The following MAGI2 variants were observed in gnomAD, a reference collection of about 807,000 sequenced individuals.
The protein encoded by MAGI2 is membrane-associated guanylate kinase, WW and PDZ domain-containing protein 2.
Under a neutral mutation model 133.3 loss-of-function variants are expected in MAGI2, and 35 were observed. The observed-to-expected ratio is 0.26, with a 90% confidence interval of 0.20 to 0.35. The LOEUF is 0.35. Among genes scored for constraint, MAGI2 ranks in the 10% least tolerant of loss-of-function variants. MAGI2 has a pLI of 1.00. For missense variants in MAGI2, 1,636 were observed against 1,863.4 expected, an observed-to-expected ratio of 0.88 and a Z score of 2.25; for synonymous variants, 729 against 710.6, an observed-to-expected ratio of 1.03 and a Z score of -0.41.
chr7:78,842,029 ATGT>A (rs983786836), intron 2 of MAGI2, among the ~76,000 whole-genome samples: 2 of 152,006 alleles, frequency 1.3e-5, no homozygotes, highest in Admixed American at 6.6e-5. Context: ...GTGCTTAAAA[ATGT>A]TGTTTGACTC....
chr7:78,632,046 T>C (rs528629007), intron 2 of MAGI2, among the ~76,000 whole-genome samples: 4 of 152,342 alleles, frequency 2.6e-5, no homozygotes, highest in Non-Finnish European at 5.9e-5. Context: ...ACAAGGATTA[T>C]TGTATGTTAA....
intron 10 of MAGI2, among the ~76,000 whole-genome samples, chr7:78,234,753 G>T (rs988090830): frequency 4.6e-5 from 7 of 152,044 alleles, no homozygotes; most frequent in Admixed American, 1.3e-4. Flanking sequence ...GCCAACTCAT[G>T]CAGGCACTGT....
intron 2 of MAGI2, among the ~76,000 whole-genome samples, chr7:78,984,548 T>A (rs941117963): frequency 6.6e-6 from 1 of 151,920 alleles, no homozygotes; most frequent in Non-Finnish European, 1.5e-5. Context: ...GCTGGAGGGG[T>A]TCTGTCCACT....
Position 79,296,694 on chromosome 7 carries a change from G to A in MAGI2, c.301+156326C>T, listed in dbSNP as rs186186314. Among the ~76,000 whole-genome samples the A allele has an allele frequency of 1.5e-3, 223 of 152,310 alleles. 1 individual carries two copies. The highest frequency in any genetic ancestry group is 5.6e-3 in the Admixed American group (85 of 15,302). On this transcript the variant is annotated intron_variant, in intron 1 of 21. Transcript: ENST00000354212. ...AATCCTGAAAAGTTGATTCATAGTA[G>A]AGAGTAGAATGGTGGTTGTCAGAGG... is the stretch of plus-strand genomic sequence containing the variant.
intron 2 of MAGI2, among the ~76,000 whole-genome samples, chr7:78,679,515 C>T (rs1479489223): frequency 6.8e-6 from 1 of 146,472 alleles, no homozygotes; most frequent in Non-Finnish European, 1.5e-5. Context: ...ACATTAATAT[C>T]CTAAATGAGC....
intron 6 of MAGI2, among the ~76,000 whole-genome samples, chr7:78,375,089 T>G (rs1350263772): frequency 6.6e-6 from 1 of 152,068 alleles, no homozygotes; most frequent in African/African-American, 2.4e-5. Flanking sequence ...GTTATCCACC[T>G]GCCTTGGCCT....
intron 1 of MAGI2, among the ~76,000 whole-genome samples, chr7:79,296,614 T>G (rs1342336107): frequency 1.3e-5 from 2 of 152,106 alleles, no homozygotes; most frequent in Non-Finnish European, 2.9e-5. Context: ...GAGCTCATAA[T>G]GGGAAATTGC....
At chr7:78,641,977 A>C (rs1264665267) in intron 2 of MAGI2, among the ~76,000 whole-genome samples, 3 of 152,200 alleles carry the variant, frequency 2.0e-5, no homozygotes, top group Non-Finnish European at 4.4e-5. Flanking sequence ...GGTAAATAAC[A>C]GTATCTTGTT....
intron 2 of MAGI2, among the ~76,000 whole-genome samples, chr7:78,851,891 C>T (rs1481897719): frequency 2.0e-5 from 3 of 152,128 alleles, no homozygotes; most frequent in African/African-American, 7.2e-5. Context: ...CAAATTTTCA[C>T]ATGCTTAACT....
chr7:78,731,877 C>G (rs775487999), intron 2 of MAGI2, among the ~76,000 whole-genome samples: 1 of 152,106 alleles, frequency 6.6e-6, no homozygotes, highest in Non-Finnish European at 1.5e-5. Flanking sequence ...CTTCTGCATA[C>G]GTGTACTCAC....
At chr7:78,077,363 G>T (rs948325879) in intron 21 of MAGI2, among the ~76,000 whole-genome samples, 9 of 151,638 alleles carry the variant, frequency 5.9e-5, no homozygotes, top group African/African-American at 1.9e-4. Flanking sequence ...AGGGATTAAT[G>T]CTGGTACATT....
In MAGI2 at chr7:78,741,064, T is replaced by A. The variant is rs76328382; in HGVS notation, c.419-113825A>T. Among the ~76,000 whole-genome samples, 58 of 149,798 alleles carry A rather than the reference T, an allele frequency of 3.9e-4. No homozygotes were observed. The Middle Eastern group carries it at 0.01, about 26-fold the overall frequency. On this transcript the variant is annotated intron_variant, in intron 2 of 21. Transcript: ENST00000354212. The stretch of plus-strand genomic sequence containing the variant: ...AGAAAAAAAGCAAAGAATGCAGCCA[T>A]TTTTTTTCCATCCGGGAGTTTTTAA...
intron 10 of MAGI2, among the ~76,000 whole-genome samples, chr7:78,235,750 A>AT (rs35561898): frequency 1.1e-4 from 17 of 151,698 alleles, no homozygotes; most frequent in African/African-American, 1.5e-4. Context: ...CTAATACTCT[A>AT]TTTTTTTTAC....
intron 2 of MAGI2, among the ~76,000 whole-genome samples, chr7:78,775,320 T>TAAAAAAAAAAAAAAAAAAAAAAAAA (rs3086258): frequency 3.5e-5 from 2 of 57,358 alleles, no homozygotes; most frequent in African/African-American, 7.0e-5. Context: ...CGTCTCAAAT[T>TAAAAAAAAAAAAAAAAAAAAAAAAA]AAAAAAAAAA....
intron 16 of MAGI2, among the ~76,000 whole-genome samples, chr7:78,147,211 G>A (rs1394344906): frequency 1.3e-5 from 2 of 152,146 alleles, no homozygotes; most frequent in African/African-American, 4.8e-5. Context: ...AGACCCTCAA[G>A]CGAAGTGTTC....
At chr7:78,622,335 G>C (rs1322034231) in intron 3 of MAGI2, among the ~76,000 whole-genome samples, 1 of 151,934 alleles carries the variant, frequency 6.6e-6, no homozygotes, top group African/African-American at 2.4e-5. Flanking sequence ...GAATTTTCTG[G>C]TCTGACCTAG....
chr7:78,610,498 A>G (rs1806322593), intron 3 of MAGI2, among the ~76,000 whole-genome samples: 1 of 152,244 alleles, frequency 6.6e-6, no homozygotes. Flanking sequence ...CGTGTGCTCC[A>G]GAACATGAGT....
chr7:79,448,296 C>A (rs985793045), intron 1 of MAGI2, among the ~76,000 whole-genome samples: 11 of 151,768 alleles, frequency 7.2e-5, no homozygotes, highest in African/African-American at 2.7e-4. Context: ...TTATTTCATT[C>A]TGCAAAAAAA....
chr7:78,458,089 A>G (rs1789514364), intron 6 of MAGI2, among the ~76,000 whole-genome samples: 1 of 152,038 alleles, frequency 6.6e-6, no homozygotes, highest in Non-Finnish European at 1.5e-5. Flanking sequence ...TGAGGTCAGG[A>G]GATCGATACC....
Sources: allele counts gnomAD v4.1 joint callset (sites outside exome capture counted in the v4.1 genomes callset), GRCh38; gene constraint gnomAD v4.1.1; transcripts MANE v1.5; gene names NCBI Gene and HGNC (gene_info 2026-07-23, HGNC 2026-07-21).